The following MEF2C variants were observed in gnomAD, a reference collection of about 807,000 sequenced individuals.
MEF2C encodes the protein myocyte enhancer factor 2C, also known as myocyte-specific enhancer factor 2C.
MEF2C carries 6 observed loss-of-function variants against 50.5 expected under a neutral mutation model. The observed-to-expected ratio is 0.12, with a 90% CI of 0.07 to 0.23. The LOEUF is 0.23. MEF2C is among the 10% of genes least tolerant of loss of function. The pLI is 1.00. For missense variants in MEF2C, 276 were observed against 605.0 expected (o/e 0.46, Z 5.70); for synonymous variants, 183 against 228.0 (o/e 0.80, Z 1.78).
chr5:88,780,188 C>T (rs1276822636), intron 3 of MEF2C, among the ~76,000 whole-genome samples: 1 of 151,914 alleles, frequency 6.6e-6, no homozygotes, highest in Admixed American at 6.6e-5. Context: ...CGAAAAACTA[C>T]AGTTTTCTTT....
At chr5:88,789,890 G>A (rs980507499) in intron 3 of MEF2C, among the ~76,000 whole-genome samples, 1 of 152,160 alleles carries the variant, frequency 6.6e-6, no homozygotes, top group African/African-American at 2.4e-5. Flanking sequence ...TTTAATGACT[G>A]ACTTTGATTA....
chr5:88,895,413 A>G (rs1835016734), intron 1 of MEF2C, among the ~76,000 whole-genome samples: 2 of 152,188 alleles, frequency 1.3e-5, no homozygotes, highest in African/African-American at 4.8e-5. Flanking sequence ...GAAAGTAATG[A>G]CATACCCATT....
chr5:88,812,663 C>G (rs1185181339), intron 2 of MEF2C, among the ~76,000 whole-genome samples: 1 of 152,074 alleles, frequency 6.6e-6, no homozygotes. Context: ...TCGACAGTAT[C>G]TCTTTGAACT....
At chr5:88,862,782 AG>A (rs1254854821) in intron 1 of MEF2C, among the ~76,000 whole-genome samples, 1 of 152,152 alleles carries the variant, frequency 6.6e-6, no homozygotes, top group Non-Finnish European at 1.5e-5. Context: ...GTGGGCGCTG[AG>A]GAGGAGTATG....
intron 1 of MEF2C, among the ~76,000 whole-genome samples, chr5:88,841,286 G>C (rs1469926039): frequency 6.6e-6 from 1 of 152,080 alleles, no homozygotes; most frequent in African/African-American, 2.4e-5. Context: ...GAGGCAGATG[G>C]ATCACTTGAG....
rs1244697074 is a variant in MEF2C, at chr5:88,747,634, C to G, written c.637+1436G>C. ...AAAGTGCTGGGATTACAGGCGTGAG[C>G]CACCGCGCCCGGCCCTTTTTTACTA... On this transcript the variant is annotated intron_variant, in intron 6 of 10. Transcript: ENST00000504921. 1.3e-4 allele frequency among the ~76,000 whole-genome samples: 6 copies of G among 47,092 alleles called. 2 individuals carry two copies. In the Admixed American group the frequency reaches 1.3e-3, roughly 10 times the overall value. The allele number at this position is 47,092 out of a possible 152,430, so 30.9% of individuals were successfully genotyped here.
At chr5:88,839,998 G>T (rs983549161) in intron 1 of MEF2C, among the ~76,000 whole-genome samples, 2 of 152,068 alleles carry the variant, frequency 1.3e-5, no homozygotes, top group Admixed American at 1.3e-4. Context: ...ATACATATTT[G>T]TATTTTCCAT....
At chr5:88,758,408 G>A (rs754589434) in intron 4 of MEF2C, among the ~76,000 whole-genome samples, 3 of 152,064 alleles carry the variant, frequency 2.0e-5, no homozygotes, top group Non-Finnish European at 2.9e-5. Flanking sequence ...AATGCTGCTC[G>A]ACACAGTTCC....
chr5:88,758,868 CTCT>C (rs1262053798), intron 4 of MEF2C, among the ~76,000 whole-genome samples: 6 of 152,182 alleles, frequency 3.9e-5, no homozygotes, highest in Non-Finnish European at 7.3e-5. Flanking sequence ...TGATCTTGAA[CTCT>C]TTACGTAACA....
chr5:88,730,659 T>A (rs1381076806), intron 7 of MEF2C, among the ~76,000 whole-genome samples: 1 of 152,204 alleles, frequency 6.6e-6, no homozygotes, highest in Admixed American at 6.5e-5. Context: ...TGGCCTGCCA[T>A]GCACGGCCCA....
intron 2 of MEF2C, among the ~76,000 whole-genome samples, chr5:88,812,328 G>GT (rs892977829): frequency 6.6e-6 from 1 of 152,090 alleles, no homozygotes; most frequent in African/African-American, 2.4e-5. Context: ...GAATTATAGT[G>GT]TTTTTTGTAA....
At chr5:88,733,261 A>C in intron 6 of MEF2C, 1 of 985,302 alleles carries the variant, frequency 1.0e-6, no homozygotes, top group Non-Finnish European at 1.2e-6. Context: ...TAGGAGTTTA[A>C]AGAGCATGGT....
At chr5:88,885,103 G>A (rs1348252146), upstream of MEF2C, among the ~76,000 whole-genome samples, 1 of 152,182 alleles carries the variant, frequency 6.6e-6, no homozygotes, top group Non-Finnish European at 1.5e-5. Context: ...CCTCACTTTA[G>A]AAAATTCCTT....
At chr5:88,783,155 G>C (rs1057405835) in intron 3 of MEF2C, among the ~76,000 whole-genome samples, 1 of 152,066 alleles carries the variant, frequency 6.6e-6, no homozygotes, top group African/African-American at 2.4e-5. Flanking sequence ...ACCACTTATT[G>C]CTTGATGACA....
rs1580252051 is a variant in MEF2C at position 88,761,038 on chromosome 5, T to C, written c.402+147A>G. ...TTATCAAATTCTTCATTAATTTTTT[T>C]GTATTTTTCTTCAGTGCGTGGGGTG... is the stretch of plus-strand genomic sequence containing the variant. On this transcript the variant is annotated intron_variant, in intron 4 of 10. Coordinates refer to ENST00000504921, the MANE Select transcript of MEF2C (RefSeq NM_002397.5). 3 of 1,611,202 alleles carry C rather than the reference T, an allele frequency of 1.9e-6. No homozygotes were observed. Among genetic ancestry groups the C allele is most frequent in the Non-Finnish European group, 2.5e-6 (3 of 1,179,292 alleles).
At chr5:88,755,849 G>C (rs1219825851) in intron 4 of MEF2C, among the ~76,000 whole-genome samples, 1 of 152,186 alleles carries the variant, frequency 6.6e-6, no homozygotes, top group East Asian at 1.9e-4. Context: ...CCAAAATAAA[G>C]AGGATTATTA....
intron 1 of MEF2C, among the ~76,000 whole-genome samples, chr5:88,860,704 CA>C (rs775701431): frequency 2.6e-5 from 4 of 152,112 alleles, no homozygotes; most frequent in African/African-American, 4.8e-5. Flanking sequence ...TGCAAGACTA[CA>C]GTTTAAGTAG....
At chr5:88,843,231 T>G in intron 1 of MEF2C, 3 of 650,704 alleles carry the variant, frequency 4.6e-6, no homozygotes, top group African/African-American at 2.0e-5. Flanking sequence ...TTTAATTCTA[T>G]GGTAAAAAAA....
At chr5:88,811,039 T>C (rs1012819010) in intron 2 of MEF2C, among the ~76,000 whole-genome samples, 1 of 152,136 alleles carries the variant, frequency 6.6e-6, no homozygotes, top group Non-Finnish European at 1.5e-5. Context: ...TAGCGTTCTA[T>C]AGTGGTAATT....
Sources: allele counts gnomAD v4.1 joint callset (sites outside exome capture counted in the v4.1 genomes callset), GRCh38; gene constraint gnomAD v4.1.1; transcripts MANE v1.5; gene names NCBI Gene and HGNC (gene_info 2026-07-23, HGNC 2026-07-21).